KCNB2: variants seen among roughly 807,000 people sequenced by gnomAD.
KCNB2 encodes delayed rectifier potassium channel protein.
KCNB2 carries 15 observed loss-of-function variants against 61.5 expected under a neutral mutation model. That is an observed-to-expected ratio of 0.24 (90% CI 0.16 to 0.38). KCNB2 has a LOEUF of 0.38. Among genes scored for constraint, KCNB2 ranks in the 10% least tolerant of loss-of-function variants. KCNB2 has a pLI of 1.00. For missense variants in KCNB2, 828 were observed against 1,125.2 expected (o/e 0.74, Z 3.78); for synonymous variants, 457 against 446.0 (o/e 1.02, Z -0.31).
chr8:72,803,142 G>A (rs1320380045), intron 2 of KCNB2, among the ~76,000 whole-genome samples: 2 of 152,214 alleles, frequency 1.3e-5, no homozygotes, highest in Non-Finnish European at 2.9e-5. Context: ...TTCACGTTGC[G>A]GGGTGTATAA....
chr8:72,734,014 G>A (rs998161570), intron 2 of KCNB2, among the ~76,000 whole-genome samples: 5 of 152,052 alleles, frequency 3.3e-5, no homozygotes, highest in Non-Finnish European at 5.9e-5. Context: ...CTCCTCAATC[G>A]TCTCCCAGGC....
At chr8:72,787,559 T>C (rs1177780382) in intron 2 of KCNB2, among the ~76,000 whole-genome samples, 1 of 151,980 alleles carries the variant, frequency 6.6e-6, no homozygotes, top group Non-Finnish European at 1.5e-5. Context: ...AGTATAAAAC[T>C]CCAGACAGAT....
At chr8:72,842,315 G>A (rs1290225349) in intron 2 of KCNB2, among the ~76,000 whole-genome samples, 2 of 152,160 alleles carry the variant, frequency 1.3e-5, no homozygotes, top group Non-Finnish European at 2.9e-5. Context: ...GCTTTTTGAT[G>A]TGCTATTGGA....
intron 2 of KCNB2, among the ~76,000 whole-genome samples, chr8:72,715,792 G>A (rs949488263): frequency 1.3e-5 from 2 of 150,744 alleles, no homozygotes; most frequent in African/African-American, 4.9e-5. Context: ...GCTAGCAGAA[G>A]GCAAGAAATA....
At chr8:72,725,850 T>C (rs1807641262) in intron 2 of KCNB2, among the ~76,000 whole-genome samples, 2 of 151,886 alleles carry the variant, frequency 1.3e-5, no homozygotes, top group Admixed American at 1.3e-4. Context: ...GAACTGAGTA[T>C]AGGATTTGGT....
At position 72,795,761 on chromosome 8, in the gene KCNB2, C is replaced by T. The variant is rs62518159; in HGVS notation, c.580-140174C>T. Among the ~76,000 whole-genome samples, 1,290 of 152,240 alleles carry T rather than the reference C, an allele frequency of 8.5e-3. 7 individuals carry two copies. The highest frequency in any genetic ancestry group is 0.014 in the Non-Finnish European group (947 of 68,020). ...TCCTGAAGATGGCTCTAAATACATA[C>T]CAAACAAAGCCAAAAACATTTGTGC... On this transcript the variant is annotated intron_variant, in intron 2 of 2. Coordinates refer to ENST00000523207, the MANE Select transcript of KCNB2 (RefSeq NM_004770.3).
intron 2 of KCNB2, among the ~76,000 whole-genome samples, chr8:72,622,074 G>A (rs1242883568): frequency 2.6e-5 from 4 of 152,092 alleles, no homozygotes; most frequent in African/African-American, 7.2e-5. Context: ...TATTTCATGA[G>A]TATCTATGAT....
At chr8:72,892,303 GC>G (rs1805909472) in intron 2 of KCNB2, among the ~76,000 whole-genome samples, 1 of 152,092 alleles carries the variant, frequency 6.6e-6, no homozygotes, top group Non-Finnish European at 1.5e-5. Flanking sequence ...GTGGAAGGCA[GC>G]CCCAGAAGCA....
intron 2 of KCNB2, among the ~76,000 whole-genome samples, chr8:72,810,223 G>A (rs1809284959): frequency 6.6e-6 from 1 of 152,192 alleles, no homozygotes; most frequent in Non-Finnish European, 1.5e-5. Flanking sequence ...AGTGGACAGA[G>A]GTGAGAAAAC....
At chr8:72,799,762 G>A (rs1388316935) in intron 2 of KCNB2, among the ~76,000 whole-genome samples, 2 of 152,074 alleles carry the variant, frequency 1.3e-5, no homozygotes, top group African/African-American at 4.8e-5. Context: ...TGAAGACGTG[G>A]ACATAAAAAA....
At chr8:72,583,096 G>A (rs557454911) in intron 2 of KCNB2, among the ~76,000 whole-genome samples, 1 of 151,982 alleles carries the variant, frequency 6.6e-6, no homozygotes, top group Admixed American at 6.5e-5. Context: ...TAAATATTAG[G>A]CATTCCTTTT....
chr8:72,708,274 T>C (rs1271170754), intron 2 of KCNB2, among the ~76,000 whole-genome samples: 3 of 151,560 alleles, frequency 2.0e-5, no homozygotes, highest in African/African-American at 4.9e-5. Flanking sequence ...AAATGTGGCT[T>C]CTTATGAGAA....
chr8:72,672,184 T>C (rs985444983), intron 2 of KCNB2, among the ~76,000 whole-genome samples: 1 of 152,214 alleles, frequency 6.6e-6, no homozygotes, highest in Non-Finnish European at 1.5e-5. Flanking sequence ...ATTCATTGAA[T>C]ACACAAAGAT....
chr8:72,748,842 C>G (rs1248416583), intron 2 of KCNB2, among the ~76,000 whole-genome samples: 6 of 151,842 alleles, frequency 4.0e-5, no homozygotes, highest in Non-Finnish European at 8.8e-5. Flanking sequence ...CCTCACATAC[C>G]ATTTTTTTGC....
At chr8:72,558,210 G>A (rs1377991376) in intron 1 of KCNB2, among the ~76,000 whole-genome samples, 2 of 152,186 alleles carry the variant, frequency 1.3e-5, no homozygotes, top group Admixed American at 1.3e-4. Flanking sequence ...GTACTTTGCT[G>A]TTGTTGCTTT....
intron 2 of KCNB2, among the ~76,000 whole-genome samples, chr8:72,911,938 T>G (rs1806303405): frequency 6.6e-6 from 1 of 152,196 alleles, no homozygotes; most frequent in South Asian, 2.1e-4. Flanking sequence ...ACCATTGTCT[T>G]TCTGTTTCCC....
chr8:72,885,532 TC>T (rs1442937290), intron 2 of KCNB2, among the ~76,000 whole-genome samples: 1 of 152,156 alleles, frequency 6.6e-6, no homozygotes, highest in Non-Finnish European at 1.5e-5. Context: ...ATTTTTTAAG[TC>T]ATCATTTTCT....
intron 2 of KCNB2, among the ~76,000 whole-genome samples, chr8:72,935,533 C>A (rs775048971): frequency 2.6e-5 from 4 of 152,152 alleles, no homozygotes; most frequent in Non-Finnish European, 5.9e-5. Context: ...CTGGCGATCA[C>A]CAATTCTGTC....
intron 2 of KCNB2, among the ~76,000 whole-genome samples, chr8:72,728,634 G>T (rs184661504): frequency 6.6e-6 from 1 of 152,094 alleles, no homozygotes; most frequent in Non-Finnish European, 1.5e-5. Flanking sequence ...TATAATGGAG[G>T]TATTAATATA....
Sources: allele counts gnomAD v4.1 joint callset (sites outside exome capture counted in the v4.1 genomes callset), GRCh38; gene constraint gnomAD v4.1.1; transcripts MANE v1.5; gene names NCBI Gene and HGNC (gene_info 2026-07-23, HGNC 2026-07-21).